The following C12orf50 variants were observed in gnomAD, a reference collection of about 807,000 sequenced individuals.
The protein encoded by C12orf50 is uncharacterized protein C12orf50.
Under a neutral mutation model 61.6 loss-of-function variants are expected in C12orf50, and 35 were observed. That is an observed-to-expected ratio of 0.57 (90% CI 0.43 to 0.75). The LOEUF is 0.75. C12orf50 is among the 30% of genes least tolerant of loss of function. The probability of loss-of-function intolerance (pLI) is 0.00; values close to 1 mark genes in which losing one functional copy is unlikely to be tolerated. For missense variants in C12orf50, 475 were observed against 488.5 expected, an observed-to-expected ratio of 0.97 and a Z score of 0.26; for synonymous variants, 178 against 161.5, an observed-to-expected ratio of 1.10 and a Z score of -0.77.
intron 3 of C12orf50, among the ~76,000 whole-genome samples, chr12:88,014,375 C>T (rs893748672): frequency 1.2e-4 from 18 of 152,130 alleles, no homozygotes; most frequent in Non-Finnish European, 1.5e-5. Context: ...GATTTCGGCT[C>T]ACTGCAAGCT....
rs1331780029 is a variant in C12orf50, at chr12:87,996,344, C to G, written c.481+30G>C. 2.1e-6 allele frequency: 3 copies of G among 1,415,398 alleles called. No homozygotes were observed. In the Admixed American group the frequency reaches 5.1e-5, roughly 24 times the overall value. 87.7% of individuals were successfully genotyped at this position (1,415,398 alleles called of 1,614,324 possible). ...ATCACACCAAGTATATGTTATAGATCACTATGAATGCTGCCTTTTCATTTC... is the reference window on the plus strand; with the variant it reads ...ATCACACCAAGTATATGTTATAGATGACTATGAATGCTGCCTTTTCATTTC... On this transcript the variant is annotated intron_variant, in intron 6 of 12. Coordinates refer to ENST00000298699, the MANE Select transcript of C12orf50 (RefSeq NM_152589.3).
intron 3 of C12orf50, among the ~76,000 whole-genome samples, chr12:88,013,474 A>G (rs1479107936): frequency 6.6e-6 from 1 of 152,216 alleles, no homozygotes; most frequent in East Asian, 1.9e-4. Flanking sequence ...AATTCCCTAC[A>G]TATGATAGTC....
At chr12:88,022,675 A>G (rs2032559288) in intron 3 of C12orf50, among the ~76,000 whole-genome samples, 1 of 152,260 alleles carries the variant, frequency 6.6e-6, no homozygotes, top group African/African-American at 2.4e-5. Context: ...TACAAAATTA[A>G]CATACAAATA....
upstream of C12orf50, chr12:88,030,115 G>A (rs940538102): frequency 3.8e-4 from 61 of 159,334 alleles, no homozygotes; most frequent in African/African-American, 1.4e-3. Context: ...GTATTAGTCC[G>A]TTTTCATGCT....
At chr12:87,983,216 A>G (rs1340432164) in intron 11 of C12orf50, 21 bp from the exon 12 acceptor site, 6 of 1,487,278 alleles carry the variant, frequency 4.0e-6, no homozygotes, top group Non-Finnish European at 5.6e-6. Context: ...AAAATCCAGA[A>G]TTAAATATTT....
intron 7 of C12orf50, among the ~76,000 whole-genome samples, chr12:87,992,860 T>C (rs537663961): frequency 6.6e-6 from 1 of 152,294 alleles, no homozygotes; most frequent in African/African-American, 2.4e-5. Flanking sequence ...AGACAATGCC[T>C]CAAGTATTTT....
intron 7 of C12orf50, among the ~76,000 whole-genome samples, chr12:87,990,830 T>C (rs1167814324): frequency 2.0e-5 from 3 of 151,670 alleles, no homozygotes; most frequent in Non-Finnish European, 4.4e-5. Flanking sequence ...TCCTCTGAAA[T>C]AGGCATAAAA....
intron 9 of C12orf50, 98 bp from the exon 10 acceptor site, chr12:87,986,514 G>A (rs1592646472): frequency 2.5e-6 from 2 of 794,988 alleles, no homozygotes; most frequent in Non-Finnish European, 3.8e-6. Context: ...CACATGTCAA[G>A]CAAGAGGAAA....
Position 88,026,609 on chromosome 12 carries a change from C to G in C12orf50, c.13-1G>C. On this transcript the variant is annotated splice_acceptor_variant, in intron 2 of 12. Coordinates refer to ENST00000298699, the MANE Select transcript of C12orf50 (RefSeq NM_152589.3). LOFTEE classifies it high-confidence loss of function. Reference sequence around the variant, plus strand: ...AGAAGCATGAAATGCTGCAGTTTTGCTAGATAAAAGGAGATTGGGGGAAAT... The same window carrying G: ...AGAAGCATGAAATGCTGCAGTTTTGGTAGATAAAAGGAGATTGGGGGAAAT... 6.2e-7 allele frequency: 1 copy of G among 1,612,584 alleles called. No homozygotes were observed. The highest frequency in any genetic ancestry group is 8.5e-7 in the Non-Finnish European group (1 of 1,179,878).
chr12:88,000,941 T>TA (rs927936495), intron 3 of C12orf50, among the ~76,000 whole-genome samples: 1 of 151,866 alleles, frequency 6.6e-6, no homozygotes, highest in African/African-American at 2.4e-5. Context: ...ATTTTCTAAA[T>TA]AAAAGATCAT....
At chr12:88,013,198 A>G (rs1197704776) in intron 3 of C12orf50, among the ~76,000 whole-genome samples, 1 of 149,364 alleles carries the variant, frequency 6.7e-6, no homozygotes, top group East Asian at 1.9e-4. Context: ...TTAATTGTAA[A>G]TTGGATGGGG....
intron 3 of C12orf50, among the ~76,000 whole-genome samples, chr12:88,011,961 G>C (rs1386070286): frequency 6.6e-6 from 1 of 152,206 alleles, no homozygotes; most frequent in Non-Finnish European, 1.5e-5. Flanking sequence ...CAGGAATTTT[G>C]CAAGAATACT....
Position 87,998,121 on chromosome 12 carries a change from G to T in C12orf50, c.203C>A (p.Pro68His), listed in dbSNP as rs567289686. ...GATGGGTCGTGATATATTTTCCTGA[G>T]GTTTCAGAGGTTCTTGACTCTGGGA... ...LQSQSQEPLK[P>H]QENISRPIHH... is the part of the protein sequence containing the mutation. The change falls in exon 4 of 13, where the codon CCT becomes CAT. Residue 68 changes from proline to histidine, a missense_variant. Transcript: ENST00000298699. The T allele has an allele frequency of 1.2e-6, 2 of 1,612,532 alleles. No homozygotes were observed. Among genetic ancestry groups the T allele is most frequent in the African/African-American group, 1.3e-5 (1 of 74,848 alleles).
chr12:87,986,839 A>G lies in C12orf50; in HGVS notation c.818-423T>C, dbSNP rs540900941. The stretch of plus-strand genomic sequence containing the variant: ...TTAAGAAGTTGGATTAATGTAAAAT[A>G]CTTTCAGTGAACTTTACCTTATTAT... On this transcript the variant is annotated intron_variant, in intron 9 of 12. Coordinates refer to ENST00000298699, the MANE Select transcript of C12orf50 (RefSeq NM_152589.3). Among the ~76,000 whole-genome samples the G allele has an allele frequency of 1.3e-4, 20 of 152,286 alleles. No homozygotes were observed. In the South Asian group the frequency reaches 3.9e-3, roughly 30 times the overall value.
intron 7 of C12orf50, among the ~76,000 whole-genome samples, chr12:87,994,168 C>A (rs2031269640): frequency 6.6e-6 from 1 of 151,724 alleles, no homozygotes; most frequent in South Asian, 2.1e-4. Context: ...CCACTGCACT[C>A]CAGCCTAGGT....
rs1314832753 is a variant in C12orf50 at position 87,983,173 on chromosome 12, A to G, written c.1149T>C (p.Tyr383=). The G allele has an allele frequency of 6.2e-7, 1 of 1,601,554 alleles. No homozygotes were observed. The highest frequency in any genetic ancestry group is 1.3e-5 in the African/African-American group (1 of 74,500). The change falls in exon 12 of 13, where the codon TAT becomes TAC. Residue 383 remains tyrosine (Y), a synonymous_variant. Coordinates refer to ENST00000298699, the MANE Select transcript of C12orf50 (RefSeq NM_152589.3). ...LSPDKYTSTS[Y]NDSAWRKRIP... The stretch of plus-strand genomic sequence containing the variant: ...TTCGTTTTCGCCAGGCTGAATCATT[A>G]TATGATGTTGACGTATATTTGTCTG...
intron 3 of C12orf50, among the ~76,000 whole-genome samples, chr12:88,010,660 A>AT (rs1239518321): frequency 2.6e-5 from 4 of 151,764 alleles, no homozygotes; most frequent in African/African-American, 9.7e-5. Flanking sequence ...TGTAGTGGAT[A>AT]TTTCATCAAA....
At chr12:88,018,965 G>A (rs1334786379) in intron 3 of C12orf50, among the ~76,000 whole-genome samples, 2 of 152,212 alleles carry the variant, frequency 1.3e-5, no homozygotes, top group Non-Finnish European at 2.9e-5. Flanking sequence ...TGTCTCAGAT[G>A]AGACTTTGGA....
intron 3 of C12orf50, among the ~76,000 whole-genome samples, chr12:88,002,833 T>G (rs1040016289): frequency 4.6e-5 from 7 of 151,664 alleles, no homozygotes; most frequent in Non-Finnish European, 7.4e-5. Context: ...ATTCTTCATT[T>G]TTATAATATT....
Sources: allele counts gnomAD v4.1 joint callset (sites outside exome capture counted in the v4.1 genomes callset), GRCh38; gene constraint gnomAD v4.1.1; transcripts MANE v1.5; gene names NCBI Gene and HGNC (gene_info 2026-07-23, HGNC 2026-07-21).